ITGA9: variants seen among roughly 807,000 people sequenced by gnomAD.
ITGA9 encodes integrin alpha-9.
A neutral mutation model predicts 127.8 loss-of-function variants in ITGA9; 56 were observed. That is an observed-to-expected ratio of 0.44 (90% CI 0.35 to 0.55). The LOEUF (loss-of-function observed/expected upper bound fraction) is 0.55. ITGA9 is among the 20% of genes least tolerant of loss of function. ITGA9 has a pLI of 0.00. For synonymous variants in ITGA9, 508 were observed against 514.5 expected, an observed-to-expected ratio of 0.99 and a Z score of 0.17; for missense variants, 1,196 against 1,347.1, an observed-to-expected ratio of 0.89 and a Z score of 1.76.
chr3:37,686,810 A>G (rs1045195448), intron 18 of ITGA9, among the ~76,000 whole-genome samples: 1 of 152,114 alleles, frequency 6.6e-6, no homozygotes, highest in African/African-American at 2.4e-5. Flanking sequence ...AAAGGAAGGG[A>G]AAAGAAACAG....
chr3:37,463,912 G>T (rs984323864), intron 1 of ITGA9, among the ~76,000 whole-genome samples: 2 of 152,178 alleles, frequency 1.3e-5, no homozygotes, highest in African/African-American at 4.8e-5. Context: ...CAGGAATAGG[G>T]CATTGCAGTG....
chr3:37,681,433 T>G (rs1350045268), intron 17 of ITGA9, among the ~76,000 whole-genome samples: 4 of 152,160 alleles, frequency 2.6e-5, no homozygotes, highest in Non-Finnish European at 4.4e-5. Flanking sequence ...CGCTGCCACT[T>G]GATCACCCTT....
chr3:37,477,493 T>C (rs1178900006), intron 3 of ITGA9, among the ~76,000 whole-genome samples: 1 of 152,216 alleles, frequency 6.6e-6, no homozygotes. Context: ...GCTTAGTGCC[T>C]GCCCATCTCA....
chr3:37,493,750 C>T (rs1353848054), intron 4 of ITGA9, among the ~76,000 whole-genome samples: 3 of 152,146 alleles, frequency 2.0e-5, no homozygotes, highest in Non-Finnish European at 4.4e-5. Flanking sequence ...GGATGAGGGA[C>T]CGGTGAAATG....
At chr3:37,593,142 A>G (rs1699836313) in intron 15 of ITGA9, among the ~76,000 whole-genome samples, 1 of 152,230 alleles carries the variant, frequency 6.6e-6, no homozygotes, top group Non-Finnish European at 1.5e-5. Flanking sequence ...ATGGATACCA[A>G]AATTCATAGA....
intron 8 of ITGA9, among the ~76,000 whole-genome samples, chr3:37,510,637 G>A (rs1224736730): frequency 1.3e-5 from 2 of 152,162 alleles, no homozygotes; most frequent in Non-Finnish European, 2.9e-5. Context: ...TGAGTTCCAG[G>A]ACAGGTTCAG....
chr3:37,803,110 C>T (rs947925841), intron 26 of ITGA9, among the ~76,000 whole-genome samples: 1 of 152,196 alleles, frequency 6.6e-6, no homozygotes, highest in African/African-American at 2.4e-5. Flanking sequence ...ACACATTGAG[C>T]TGAACACTTG....
intron 3 of ITGA9, among the ~76,000 whole-genome samples, chr3:37,480,651 C>G (rs1289991209): frequency 1.3e-5 from 2 of 152,202 alleles, no homozygotes; most frequent in Non-Finnish European, 2.9e-5. Flanking sequence ...CACACATTTA[C>G]TTCTAGTTAA....
At chr3:37,575,331 T>C (rs548477516) in intron 15 of ITGA9, among the ~76,000 whole-genome samples, 1 of 152,304 alleles carries the variant, frequency 6.6e-6, no homozygotes, top group East Asian at 1.9e-4. Context: ...CCATCAGGCC[T>C]CACCTACTAG....
intron 14 of ITGA9, among the ~76,000 whole-genome samples, chr3:37,533,695 C>A (rs1431787068): frequency 6.6e-6 from 1 of 152,146 alleles, no homozygotes; most frequent in Non-Finnish European, 1.5e-5. Context: ...TGTTGGACCC[C>A]AAGCATTCTT....
rs868194831 is a variant in ITGA9, at chr3:37,581,620, T to C, written c.1689+39035T>C. ...TTAGATGGCAGCTTCCAGAATCAAG[T>C]TGGTCAGTTTTGAGCAAGATCTGGA... On this transcript the variant is annotated intron_variant, in intron 15 of 27. Coordinates refer to ENST00000264741, the MANE Select transcript of ITGA9 (RefSeq NM_002207.3). 3.3e-5 allele frequency among the ~76,000 whole-genome samples: 5 copies of C among 152,322 alleles called. No homozygotes were observed. The Middle Eastern group carries it at 0.01, about 311-fold the overall frequency.
At chr3:37,480,380 T>C (rs1698540174) in intron 3 of ITGA9, among the ~76,000 whole-genome samples, 1 of 152,234 alleles carries the variant, frequency 6.6e-6, no homozygotes, top group Admixed American at 6.5e-5. Flanking sequence ...CCAATGCATC[T>C]GTCCATCTTC....
intron 17 of ITGA9, among the ~76,000 whole-genome samples, chr3:37,662,924 A>T (rs1575184590): frequency 6.6e-6 from 1 of 152,154 alleles, no homozygotes; most frequent in Admixed American, 6.5e-5. Flanking sequence ...TCTGGGAGTG[A>T]TTGTGTCACC....
intron 15 of ITGA9, among the ~76,000 whole-genome samples, chr3:37,562,013 A>G (rs1699495708): frequency 6.6e-6 from 1 of 152,184 alleles, no homozygotes; most frequent in Non-Finnish European, 1.5e-5. Flanking sequence ...TGGGAAATGC[A>G]ACACTGGCCA....
chr3:37,803,722 C>T (rs1428047484), intron 26 of ITGA9, 101 bp from the exon 27 acceptor site: 18 of 1,390,634 alleles, frequency 1.3e-5, no homozygotes, highest in South Asian at 1.1e-4. Context: ...TGCAGTGAGC[C>T]GAGATTGTGC....
At chr3:37,547,040 G>A (rs1699333089) in intron 15 of ITGA9, among the ~76,000 whole-genome samples, 1 of 152,210 alleles carries the variant, frequency 6.6e-6, no homozygotes, top group African/African-American at 2.4e-5. Flanking sequence ...AGGGATGGCA[G>A]AGAAGCCCAG....
At chr3:37,750,613 C>A in intron 23 of ITGA9, 44 bp downstream of exon 23, 2 of 1,383,798 alleles carry the variant, frequency 1.4e-6, no homozygotes, top group Non-Finnish European at 2.1e-6. Context: ...AGCTTTGAGC[C>A]AGCCCATTCA....
At chr3:37,815,384 G>A (rs57499783) in intron 27 of ITGA9, among the ~76,000 whole-genome samples, 16,010 of 152,102 alleles carry the variant, frequency 0.11, 1,411 homozygotes, top group African/African-American at 0.24. Flanking sequence ...CAAGGCAGGC[G>A]GATCACTTGA....
intron 15 of ITGA9, among the ~76,000 whole-genome samples, chr3:37,574,354 A>G (rs568757767): frequency 6.6e-6 from 1 of 152,340 alleles, no homozygotes; most frequent in Middle Eastern, 3.4e-3. Flanking sequence ...CTCCAGGTTA[A>G]GTAGAGAGTA....
Sources: allele counts gnomAD v4.1 joint callset (sites outside exome capture counted in the v4.1 genomes callset), GRCh38; gene constraint gnomAD v4.1.1; transcripts MANE v1.5; gene names NCBI Gene and HGNC (gene_info 2026-07-23, HGNC 2026-07-21).